Variants in TENM2 observed in about 807,000 individuals in gnomAD.
TENM2 encodes teneurin-2.
Under a neutral mutation model 245.2 loss-of-function variants are expected in TENM2, and 52 were observed. The observed-to-expected ratio is 0.21, with a 90% CI of 0.17 to 0.27. TENM2 has a LOEUF of 0.27. Ranked by LOEUF, TENM2 falls within the 10% of genes least tolerant of loss-of-function variation. The pLI is 1.00. For missense variants in TENM2, 3,046 were observed against 3,666.8 expected, an observed-to-expected ratio of 0.83 and a Z score of 4.37; for synonymous variants, 1,363 against 1,438.9, an observed-to-expected ratio of 0.95 and a Z score of 1.19.
At chr5:167,332,521 A>G (rs1757519441) in intron 1 of TENM2, among the ~76,000 whole-genome samples, 3 of 152,158 alleles carry the variant, frequency 2.0e-5, no homozygotes, top group Admixed American at 2.0e-4. Flanking sequence ...TCAGTGTTGC[A>G]GGGGAAGGGT....
chr5:167,682,040 T>G (rs1425691242), intron 2 of TENM2, among the ~76,000 whole-genome samples: 2 of 150,710 alleles, frequency 1.3e-5, no homozygotes, highest in Non-Finnish European at 3.0e-5. Flanking sequence ...CTTCCTTCCT[T>G]TCTCCTTCCC....
the TENM2 span, among the ~76,000 whole-genome samples, chr5:167,163,230 T>A: frequency 6.6e-6 from 1 of 152,150 alleles, no homozygotes; most frequent in Non-Finnish European, 1.5e-5. Context: ...GCCTCCTGAA[T>A]ATCGGGGACT....
chr5:167,356,442 A>G (rs1759340733), intron 1 of TENM2, among the ~76,000 whole-genome samples: 1 of 152,094 alleles, frequency 6.6e-6, no homozygotes, highest in Admixed American at 6.5e-5. Flanking sequence ...GCTAAATAGT[A>G]GAAGATAGCA....
At chr5:168,227,958 G>A in exon 25 of TENM2, 1 of 1,613,740 alleles carries the variant, frequency 6.2e-7, no homozygotes, top group Non-Finnish European at 8.5e-7. Flanking sequence ...TATGCTAATG[G>A]GATGGGTATC....
At chr5:167,039,042 A>G in the TENM2 span, among the ~76,000 whole-genome samples, 1 of 152,204 alleles carries the variant, frequency 6.6e-6, no homozygotes, top group Non-Finnish European at 1.5e-5. Flanking sequence ...AGATGTAAAG[A>G]GAATTTGGTG....
chr5:167,266,586 G>T, the TENM2 span, among the ~76,000 whole-genome samples: 1 of 152,034 alleles, frequency 6.6e-6, no homozygotes, highest in African/African-American at 2.4e-5. Context: ...CCAAATCTAG[G>T]CTCTGCTACT....
rs116076248 is a variant in TENM2 at position 167,562,598 on chromosome 5, T to A, written c.502+187125T>A. 2.1e-3 allele frequency among the ~76,000 whole-genome samples: 323 copies of A among 152,266 alleles called. 1 individual carries two copies. Among genetic ancestry groups the A allele is most frequent in the Admixed American group, 6.1e-3 (94 of 15,290 alleles). ...CCTTTGTAAGATGGACCTTTTCTCC[T>A]GAGAAGAGCTCAGAATGTGAAGTAT... On this transcript the variant is annotated intron_variant, in intron 2 of 28. Coordinates refer to ENST00000518659, the Ensembl canonical transcript of TENM2.
the TENM2 span, among the ~76,000 whole-genome samples, chr5:167,167,381 T>C: frequency 6.6e-6 from 1 of 152,216 alleles, no homozygotes; most frequent in African/African-American, 2.4e-5. Context: ...ATGGGATTGC[T>C]GAATCAAGTT....
chr5:166,997,467 C>A, the TENM2 span, among the ~76,000 whole-genome samples: 2 of 152,152 alleles, frequency 1.3e-5, no homozygotes, highest in Admixed American at 1.3e-4. Flanking sequence ...GACTCCAGAA[C>A]GTTCCTCTTA....
At chr5:167,005,854 G>A in the TENM2 span, among the ~76,000 whole-genome samples, 4 of 151,824 alleles carry the variant, frequency 2.6e-5, no homozygotes, top group African/African-American at 9.7e-5. Context: ...TAGAGACAGA[G>A]CTTCACCATG....
Position 168,244,305 on chromosome 5 carries a change from T to C in TENM2, c.5521-115T>C. The stretch of plus-strand genomic sequence containing the variant: ...AAGCACTACTCTAACTTTGGGGTTA[T>C]TTCTTCCTCCAGTGAACACTTAAGC... On this transcript the variant is annotated intron_variant, in intron 25 of 28. Transcript: ENST00000518659. The surrounding 1 kb of genome is among the most constrained non-coding windows in gnomAD (Gnocchi z 4.9). The C allele has an allele frequency of 1.2e-6, 1 of 865,878 alleles. No individual in the cohort carries two copies. Among genetic ancestry groups the C allele is most frequent in the Non-Finnish European group, 1.6e-6 (1 of 612,914 alleles). 53.6% of individuals were successfully genotyped at this position (865,878 alleles called of 1,614,324 possible).
intron 2 of TENM2, among the ~76,000 whole-genome samples, chr5:167,477,975 G>A (rs1767503550): frequency 6.6e-6 from 1 of 152,156 alleles, no homozygotes; most frequent in South Asian, 2.1e-4. Context: ...TTTAGTTAGG[G>A]AATTACGGTT....
intron 3 of TENM2, among the ~76,000 whole-genome samples, chr5:167,886,919 C>T (rs946316810): frequency 9.9e-5 from 15 of 152,182 alleles, no homozygotes; most frequent in Non-Finnish European, 1.3e-4. Context: ...GGAGCACTTG[C>T]GTCAAACCCA....
the TENM2 span, among the ~76,000 whole-genome samples, chr5:167,125,931 A>T: frequency 1.3e-5 from 2 of 152,174 alleles, no homozygotes; most frequent in African/African-American, 4.8e-5. Context: ...CTTTTTCCCA[A>T]CAACTGAGGG....
chr5:167,556,748 G>A (rs921208568), intron 2 of TENM2, among the ~76,000 whole-genome samples: 4 of 152,068 alleles, frequency 2.6e-5, no homozygotes, highest in Non-Finnish European at 4.4e-5. Flanking sequence ...TGGCTGCCTA[G>A]GACATTGGGG....
intron 4 of TENM2, among the ~76,000 whole-genome samples, chr5:167,960,048 C>T (rs764996170): frequency 1.3e-5 from 2 of 152,222 alleles, no homozygotes; most frequent in Non-Finnish European, 2.9e-5. Context: ...AAGACTGCTG[C>T]CTGTTCCTTC....
chr5:167,057,964 T>C, the TENM2 span, among the ~76,000 whole-genome samples: 1 of 152,096 alleles, frequency 6.6e-6, no homozygotes. Flanking sequence ...ATTCATCAAT[T>C]ACAGTTCAGA....
chr5:168,139,695 G>A (rs1390651613), intron 12 of TENM2, among the ~76,000 whole-genome samples: 1 of 152,182 alleles, frequency 6.6e-6, no homozygotes, highest in African/African-American at 2.4e-5. Flanking sequence ...CCCATACATG[G>A]GGTAGGCGAG....
chr5:167,098,807 AT>A, the TENM2 span, among the ~76,000 whole-genome samples: 1 of 152,338 alleles, frequency 6.6e-6, no homozygotes, highest in African/African-American at 2.4e-5. Flanking sequence ...AATGCTAAGC[AT>A]GACGCTTTCC....
Sources: gnomAD v4.1 joint callset for allele counts (sites outside exome capture counted in the v4.1 genomes callset) on GRCh38, gnomAD v4.1.1 for gene constraint, Gnocchi (gnomAD v3.1) non-coding constraint, MANE v1.5 for transcripts, NCBI Gene and HGNC (gene_info 2026-07-23, HGNC 2026-07-21) for gene names.